Variants in CFAP69 observed in about 807,000 individuals in gnomAD.
The protein encoded by CFAP69 is cilia- and flagella-associated protein 69.
Under a neutral mutation model 123.0 loss-of-function variants are expected in CFAP69, and 92 were observed. The ratio of observed to expected loss-of-function variants is 0.75; its 90% CI spans 0.63 to 0.89. The LOEUF (loss-of-function observed/expected upper bound fraction) is 0.89. CFAP69 is among the 40% of genes least tolerant of loss of function. CFAP69 has a pLI of 0.00. For synonymous variants in CFAP69, 380 were observed against 364.3 expected, an observed-to-expected ratio of 1.04 and a Z score of -0.49; for missense variants, 1,067 against 1,096.9, an observed-to-expected ratio of 0.97 and a Z score of 0.39.
intron 15 of CFAP69, among the ~76,000 whole-genome samples, chr7:90,289,114 AT>A (rs1168682810): frequency 6.6e-6 from 1 of 152,014 alleles, no homozygotes; most frequent in Non-Finnish European, 1.5e-5. Context: ...TTATGAAAAA[AT>A]ATTTGTGTGC....
At chr7:90,266,073 G>A (rs1458657332) in intron 5 of CFAP69, 4 of 151,898 alleles carry the variant, frequency 2.6e-5, no homozygotes, top group Non-Finnish European at 4.4e-5. Context: ...AGGAATAAAA[G>A]ATACACAATT....
At chr7:90,311,703 G>T (rs1021462423), downstream of CFAP69, among the ~76,000 whole-genome samples, 3 of 151,998 alleles carry the variant, frequency 2.0e-5, no homozygotes, top group Non-Finnish European at 4.4e-5. Context: ...GAGAGGTAGG[G>T]GTTGCAGCTC....
At position 90,258,182 on chromosome 7, in the gene CFAP69, T is replaced by C. The variant is rs771210427; in HGVS notation, c.246+19T>C. On this transcript the variant is annotated intron_variant, in intron 3 of 22. Transcript: ENST00000389297. Reference sequence around the variant, plus strand: ...TGGACTTGTATCCTTTACATATATATGTATGTTCATTTCATTTATTCTGAA... The same window carrying C: ...TGGACTTGTATCCTTTACATATATACGTATGTTCATTTCATTTATTCTGAA... 6 of 1,473,152 alleles carry C rather than the reference T, an allele frequency of 4.1e-6. No homozygotes were observed. The highest frequency in any genetic ancestry group is 5.6e-6 in the Non-Finnish European group (6 of 1,069,638). The allele number at this position is 1,473,152 out of a possible 1,614,324, so 91.3% of individuals were successfully genotyped here.
chr7:90,295,518 A>G (rs144773667), intron 15 of CFAP69, among the ~76,000 whole-genome samples: 71 of 152,218 alleles, frequency 4.7e-4, no homozygotes, highest in African/African-American at 1.7e-3. Context: ...CTTGCCAGAA[A>G]GATGTTACCA....
intron 1 of CFAP69, among the ~76,000 whole-genome samples, chr7:90,252,354 T>C (rs540580850): frequency 1.2e-4 from 19 of 152,292 alleles, no homozygotes; most frequent in Admixed American, 1.3e-4. Flanking sequence ...ATTTAGTAAA[T>C]CCTTTTTAAA....
downstream of CFAP69, among the ~76,000 whole-genome samples, chr7:90,315,145 C>CA (rs1325233442): frequency 6.7e-6 from 1 of 148,460 alleles, no homozygotes; most frequent in Non-Finnish European, 1.5e-5. Context: ...AATGCTTATA[C>CA]ACTGTTGCTG....
chr7:90,249,869 A>G (rs891220693), intron 1 of CFAP69, among the ~76,000 whole-genome samples: 2 of 152,182 alleles, frequency 1.3e-5, no homozygotes, highest in African/African-American at 2.4e-5. Context: ...AACAATTAAT[A>G]TAATGATTAG....
chr7:90,319,076 G>T, the CFAP69 span: 2 of 268,096 alleles, frequency 7.5e-6, no homozygotes, highest in Non-Finnish European at 6.9e-6. Context: ...GGGTTAAATG[G>T]CTTTCTTATG....
At chr7:90,296,116 C>A (rs1584506565) in intron 15 of CFAP69, among the ~76,000 whole-genome samples, 2 of 152,254 alleles carry the variant, frequency 1.3e-5, no homozygotes, top group East Asian at 1.9e-4. Context: ...TTCACCCAGC[C>A]CCTATTCAAG....
the CFAP69 span, among the ~76,000 whole-genome samples, chr7:90,323,582 T>C: frequency 1.3e-5 from 2 of 151,800 alleles, no homozygotes; most frequent in African/African-American, 4.8e-5. Flanking sequence ...GAAAAACAGA[T>C]TGACAAATAA....
At chr7:90,254,021 A>G (rs1010090131) in intron 1 of CFAP69, among the ~76,000 whole-genome samples, 2 of 152,058 alleles carry the variant, frequency 1.3e-5, no homozygotes, top group African/African-American at 2.4e-5. Flanking sequence ...TTATTTGGTG[A>G]GACATAGGAG....
intron 16 of CFAP69, among the ~76,000 whole-genome samples, chr7:90,299,337 A>G (rs1338382943): frequency 6.6e-6 from 1 of 152,116 alleles, no homozygotes; most frequent in African/African-American, 2.4e-5. Flanking sequence ...ATTTTTTTGA[A>G]TCCTTAAATA....
At chr7:90,271,471 C>G in intron 6 of CFAP69, 55 bp from the exon 7 acceptor site, 1 of 1,510,916 alleles carries the variant, frequency 6.6e-7, no homozygotes, top group Non-Finnish European at 9.0e-7. Context: ...ATTCTTTTGT[C>G]TTAATGATCA....
At chr7:90,250,187 G>GGAGAGA (rs10527106) in intron 1 of CFAP69, among the ~76,000 whole-genome samples, 2,255 of 125,528 alleles carry the variant, frequency 0.018, 81 homozygotes, top group African/African-American at 0.032. Flanking sequence ...TTTAAAGAGA[G>GGAGAGA]GAGAGAGAGA....
intron 13 of CFAP69, among the ~76,000 whole-genome samples, chr7:90,283,372 T>C (rs565352241): frequency 6.6e-6 from 1 of 152,316 alleles, no homozygotes; most frequent in Admixed American, 6.5e-5. Context: ...ACCAAGGCTT[T>C]TGGAGCTATT....
chr7:90,321,833 T>C, the CFAP69 span, among the ~76,000 whole-genome samples: 2 of 152,206 alleles, frequency 1.3e-5, no homozygotes, highest in Non-Finnish European at 1.5e-5. Context: ...CCCGAGCAAG[T>C]ACCTTGAATT....
Position 90,279,740 on chromosome 7 carries a change from A to G in CFAP69, c.1219A>G (p.Lys407Glu), listed in dbSNP as rs766808833. Residue 407 changes from lysine to glutamate, a missense_variant, in exon 12 of 23, where the codon AAA (lysine) becomes GAA (glutamate). By Grantham distance (56) the Lys-to-Glu change is moderately conservative. Transcript: ENST00000389297. ...FTYVKKPEKQKIIDWSAAQHE... is the reference protein window; with the variant it reads ...FTYVKKPEKQEIIDWSAAQHE... ...CTATGTTAAGAAGCCTGAGAAGCAAAAAATAATTGACTGGTCTGCAGCACA... is the reference window on the plus strand; with the variant it reads ...CTATGTTAAGAAGCCTGAGAAGCAAGAAATAATTGACTGGTCTGCAGCACA... 5.6e-6 allele frequency: 9 copies of G among 1,612,648 alleles called. No homozygotes were observed. The South Asian group carries it at 7.7e-5, about 14-fold the overall frequency.
At chr7:90,285,995 A>G (rs1584467059) in intron 13 of CFAP69, among the ~76,000 whole-genome samples, 2 of 152,160 alleles carry the variant, frequency 1.3e-5, no homozygotes, top group Admixed American at 1.3e-4. Flanking sequence ...CAATGAAAAT[A>G]TCCTCTTCTA....
chr7:90,269,401 T>C (rs1377316771), intron 6 of CFAP69, among the ~76,000 whole-genome samples: 2 of 152,060 alleles, frequency 1.3e-5, no homozygotes, highest in African/African-American at 2.4e-5. Context: ...AGTGTCCATA[T>C]TGAGGTTTGG....
Sources: allele counts gnomAD v4.1 joint callset (sites outside exome capture counted in the v4.1 genomes callset), GRCh38; gene constraint gnomAD v4.1.1; transcripts MANE v1.5; gene names NCBI Gene and HGNC (gene_info 2026-07-23, HGNC 2026-07-21).